Variants in MTCL1 observed in about 807,000 individuals in gnomAD.
MTCL1 encodes microtubule cross-linking factor 1.
A neutral mutation model predicts 141.4 loss-of-function variants in MTCL1; 79 were observed. That is an observed-to-expected ratio of 0.56 (90% confidence interval 0.47 to 0.67). MTCL1 has a LOEUF of 0.67. Ranked by LOEUF, MTCL1 falls within the 30% of genes least tolerant of loss-of-function variation. The pLI is 0.00. For missense variants in MTCL1, 2,177 were observed against 2,113.9 expected, an observed-to-expected ratio of 1.03 and a Z score of -0.59; for synonymous variants, 914 against 875.8, an observed-to-expected ratio of 1.04 and a Z score of -0.77.
chr18:8,729,253 G>T (rs2096237143), intron 4 of MTCL1, among the ~76,000 whole-genome samples: 1 of 143,828 alleles, frequency 7.0e-6, no homozygotes, highest in African/African-American at 2.6e-5. Flanking sequence ...ACAGGGTTTT[G>T]CCATTTTGCT....
rs575093932 is a variant in MTCL1, at chr18:8,774,241, ACACT to A, written c.358-3590_358-3587del. On this transcript the variant is annotated intron_variant, in intron 4 of 16. Transcript: ENST00000359865. ...TTACCACACTCACAAACACATACAC[ACACT>A]CTTTTCGAATGTGTGTGTGTGTGTG... Among the ~76,000 whole-genome samples the A allele has an allele frequency of 3.6e-4, 53 of 147,590 alleles. 1 individual carries two copies. In the South Asian group the frequency reaches 0.012, roughly 33 times the overall value.
chr18:8,825,249 C>T lies in MTCL1; in HGVS notation c.3739C>T (p.Arg1247Trp), dbSNP rs781057852. Residue 1247 changes from arginine (R) to tryptophan (W), a missense_variant, in exon 15 of 17, where the codon CGG becomes TGG. By Grantham distance (101) the Arg-to-Trp change is moderately radical. Coordinates refer to ENST00000359865, the Ensembl canonical transcript of MTCL1. ...GCCTTGCACCTCCCCCAGGCACTCCCGGGACTATGTGGAGGGGGCACGGCG... is the reference window on the plus strand; with the variant it reads ...GCCTTGCACCTCCCCCAGGCACTCCTGGGACTATGTGGAGGGGGCACGGCG... The T allele has an allele frequency of 5.0e-6, 8 of 1,592,714 alleles. No homozygotes were observed. The highest frequency in any genetic ancestry group is 3.5e-5 in the South Asian group (3 of 86,926).
chr18:8,709,011 AG>A (rs1307080730), intron 1 of MTCL1, among the ~76,000 whole-genome samples: 5 of 152,226 alleles, frequency 3.3e-5, no homozygotes, highest in Non-Finnish European at 5.9e-5. Context: ...AAGGAAACGC[AG>A]GGATCCTAAT....
chr18:8,826,296 T>C, intron 15 of MTCL1, 64 bp downstream of exon 14: 1 of 1,375,750 alleles, frequency 7.3e-7, no homozygotes, highest in Admixed American at 2.7e-5. Flanking sequence ...GTGGGGCAGG[T>C]TGGGACTTGG....
intron 5 of MTCL1, 61 bp downstream of exon 4, chr18:8,777,953 A>G: frequency 2.0e-6 from 3 of 1,506,220 alleles, no homozygotes; most frequent in East Asian, 2.3e-5. Context: ...CTCATTTTGA[A>G]TGTTTTTCAG....
At chr18:8,710,767 A>G (rs1206960157) in intron 1 of MTCL1, among the ~76,000 whole-genome samples, 1 of 145,968 alleles carries the variant, frequency 6.9e-6, no homozygotes, top group African/African-American at 2.5e-5. Flanking sequence ...GAACTAGTCT[A>G]TGTTAGGCTT....
chr18:8,742,032 T>C (rs1448661131), intron 4 of MTCL1, among the ~76,000 whole-genome samples: 3 of 140,920 alleles, frequency 2.1e-5, no homozygotes, highest in African/African-American at 7.5e-5. Context: ...GGAGCTCTAA[T>C]GCAGGGCAAA....
At position 8,706,922 on chromosome 18, in the gene MTCL1, A is replaced by G. The variant is rs543599423; in HGVS notation, c.1053+209A>G. On this transcript the variant is annotated intron_variant, in intron 1 of 13. Transcript: ENST00000306329. Reference sequence around the variant, plus strand: ...ACCTGTGGGACCCCGCCAGTTCGCAACCCACTTCTCTTTTCTCGCGTCTAG... The same window carrying G: ...ACCTGTGGGACCCCGCCAGTTCGCAGCCCACTTCTCTTTTCTCGCGTCTAG... 2.3e-5 allele frequency: 17 copies of G among 735,488 alleles called. No individual in the cohort carries two copies. In the South Asian group the frequency reaches 3.3e-4, roughly 14 times the overall value. 45.6% of individuals were successfully genotyped at this position (735,488 alleles called of 1,614,324 possible).
chr18:8,717,391 A>C (rs2096135736), exon 1 of MTCL1: 1 of 152,368 alleles, frequency 6.6e-6, no homozygotes, highest in South Asian at 2.1e-4. Context: ...AGAAGTGGGA[A>C]TAGCAGGCGA....
At chr18:8,789,794 T>G in intron 7 of MTCL1, 1 of 788,566 alleles carries the variant, frequency 1.3e-6, no homozygotes, top group Non-Finnish European at 1.5e-6. Flanking sequence ...GAAATATTTA[T>G]TTTTTTAGAA....
rs140298276 is a variant in MTCL1 at position 8,758,644 on chromosome 18, C to T, written c.358-19189C>T. Among the ~76,000 whole-genome samples the T allele has an allele frequency of 1.4e-3, 208 of 152,254 alleles. 1 individual carries two copies. Among genetic ancestry groups the T allele is most frequent in the African/African-American group, 4.7e-3 (197 of 41,532 alleles). On this transcript the variant is annotated intron_variant, in intron 4 of 16. Transcript: ENST00000359865. Reference sequence around the variant, plus strand: ...TGGTCTTGCATAAGTTGTGTGACTGCGTTCCTTTGTGCTGAAGTTTTCCTG... The same window carrying T: ...TGGTCTTGCATAAGTTGTGTGACTGTGTTCCTTTGTGCTGAAGTTTTCCTG...
chr18:8,777,717 G>A (rs1039509357), intron 4 of MTCL1, 116 bp from the exon 4 acceptor site: 41 of 809,218 alleles, frequency 5.1e-5, no homozygotes, highest in Non-Finnish European at 7.2e-5. Context: ...TCTTGATTCT[G>A]GTGGGAAACA....
At chr18:8,710,244 T>A (rs1484446380) in intron 1 of MTCL1, among the ~76,000 whole-genome samples, 1 of 152,244 alleles carries the variant, frequency 6.6e-6, no homozygotes, top group Non-Finnish European at 1.5e-5. Context: ...TTTCTGTTCC[T>A]TCTCCACCTT....
At chr18:8,826,559 G>A (rs1371454981) in intron 15 of MTCL1, among the ~76,000 whole-genome samples, 1 of 152,174 alleles carries the variant, frequency 6.6e-6, no homozygotes, top group African/African-American at 2.4e-5. Context: ...CTTTCTGTGT[G>A]AATTCGTGCA....
chr18:8,758,734 A>G (rs1342338897), intron 4 of MTCL1, among the ~76,000 whole-genome samples: 1 of 152,216 alleles, frequency 6.6e-6, no homozygotes, highest in Non-Finnish European at 1.5e-5. Context: ...CGGGGACTTC[A>G]GTAATTGTAA....
chr18:8,712,803 T>A (rs887306817), upstream of MTCL1, among the ~76,000 whole-genome samples: 1 of 152,180 alleles, frequency 6.6e-6, no homozygotes. Flanking sequence ...ATTCGTATGT[T>A]ACAAAAGACA....
chr18:8,827,238 C>A (rs1220852432), intron 15 of MTCL1, among the ~76,000 whole-genome samples: 1 of 152,226 alleles, frequency 6.6e-6, no homozygotes, highest in East Asian at 1.9e-4. Flanking sequence ...AGGACCCAAG[C>A]AGCCCTGGCT....
intron 11 of MTCL1, among the ~76,000 whole-genome samples, chr18:8,807,935 G>T (rs967468814): frequency 1.3e-5 from 2 of 148,610 alleles, no homozygotes; most frequent in Non-Finnish European, 3.0e-5. Flanking sequence ...GTCATGAAAG[G>T]AAAAGAATTG....
exon 6 of MTCL1, chr18:8,784,185 A>T (rs1465024356): frequency 6.2e-7 from 1 of 1,613,848 alleles, no homozygotes; most frequent in Admixed American, 1.7e-5. Context: ...CTGCAGCACG[A>T]GAACCACGCG....
Sources: allele counts gnomAD v4.1 joint callset (sites outside exome capture counted in the v4.1 genomes callset), GRCh38; gene constraint gnomAD v4.1.1; transcripts MANE v1.5; gene names NCBI Gene and HGNC (gene_info 2026-07-23, HGNC 2026-07-21).